TMEM117: variants seen among roughly 807,000 people sequenced by gnomAD.
TMEM117 encodes transmembrane protein 117.
TMEM117 carries 27 observed loss-of-function variants against 52.4 expected under a neutral mutation model. The observed-to-expected ratio is 0.51, with a 90% CI of 0.38 to 0.71. The LOEUF (loss-of-function observed/expected upper bound fraction) is 0.71, where lower values mean the gene tolerates loss of function less well. TMEM117 is among the 30% of genes least tolerant of loss of function. The pLI is 0.00. For synonymous variants in TMEM117, 215 were observed against 206.3 expected, an observed-to-expected ratio of 1.04 and a Z score of -0.36; for missense variants, 556 against 630.5, an observed-to-expected ratio of 0.88 and a Z score of 1.26.
chr12:44,123,805 C>T (rs1050845807), intron 3 of TMEM117, among the ~76,000 whole-genome samples: 3 of 151,996 alleles, frequency 2.0e-5, no homozygotes, highest in African/African-American at 7.3e-5. Flanking sequence ...TTACTGTAGC[C>T]CTGTATTATA....
intron 5 of TMEM117, among the ~76,000 whole-genome samples, chr12:44,229,572 C>T (rs186702853): frequency 1.3e-5 from 2 of 152,196 alleles, no homozygotes; most frequent in East Asian, 3.9e-4. Context: ...GAACAATTCA[C>T]TTCTAGATTC....
At chr12:44,049,554 TAA>T (rs397940837) in intron 3 of TMEM117, among the ~76,000 whole-genome samples, 3 of 138,036 alleles carry the variant, frequency 2.2e-5, no homozygotes, top group Non-Finnish European at 3.2e-5. Flanking sequence ...TAAAAAACAT[TAA>T]AAAAAAAAAA....
At chr12:44,289,951 A>G (rs913348622) in intron 5 of TMEM117, among the ~76,000 whole-genome samples, 6 of 151,948 alleles carry the variant, frequency 3.9e-5, no homozygotes, top group Admixed American at 3.9e-4. Flanking sequence ...CATTTCCCAG[A>G]TGATTAGTGA....
intron 2 of TMEM117, among the ~76,000 whole-genome samples, chr12:43,867,380 TAAAA>T (rs752085812): frequency 6.6e-6 from 1 of 152,012 alleles, no homozygotes; most frequent in Non-Finnish European, 1.5e-5. Flanking sequence ...ATTATACTAA[TAAAA>T]TAATATTATG....
chr12:43,970,916 A>G (rs572453758), intron 3 of TMEM117, among the ~76,000 whole-genome samples: 2 of 151,970 alleles, frequency 1.3e-5, no homozygotes, highest in Admixed American at 6.6e-5. Context: ...TTTCAGCTGA[A>G]TATCATACTA....
chr12:43,866,432 A>G (rs1176362259), intron 2 of TMEM117, among the ~76,000 whole-genome samples: 1 of 149,900 alleles, frequency 6.7e-6, no homozygotes, highest in Non-Finnish European at 1.5e-5. Context: ...AAAAAAAGTT[A>G]TGTGAAGCGG....
At chr12:43,901,259 T>C (rs751974682) in intron 2 of TMEM117, among the ~76,000 whole-genome samples, 4 of 152,160 alleles carry the variant, frequency 2.6e-5, no homozygotes, top group Non-Finnish European at 2.9e-5. Context: ...TCCAGATGCT[T>C]TCTTTTTCAA....
intron 3 of TMEM117, among the ~76,000 whole-genome samples, chr12:44,139,224 C>G (rs1426447787): frequency 6.6e-6 from 1 of 152,134 alleles, no homozygotes; most frequent in African/African-American, 2.4e-5. Context: ...TGTTAAAATT[C>G]AGACTCAACC....
In TMEM117 at chr12:44,053,888, G is replaced by A. The variant is rs908394945; in HGVS notation, c.411-89637G>A. Among the ~76,000 whole-genome samples the A allele has an allele frequency of 2.6e-5, 4 of 152,158 alleles. No individual in the cohort carries two copies. The East Asian group carries it at 7.7e-4, about 29-fold the overall frequency. The stretch of plus-strand genomic sequence containing the variant: ...AATATTATTTTAACATCTTATTATA[G>A]AATGAAAATGCAACAGAACTATTGC... On this transcript the variant is annotated intron_variant, in intron 3 of 7. Transcript: ENST00000266534.
intron 2 of TMEM117, among the ~76,000 whole-genome samples, chr12:43,920,294 G>A (rs993996291): frequency 1.3e-5 from 2 of 152,150 alleles, no homozygotes; most frequent in African/African-American, 2.4e-5. Context: ...GGGATGCCGA[G>A]GCGGGCGGAT....
At chr12:44,334,502 T>A (rs192702549) in intron 6 of TMEM117, among the ~76,000 whole-genome samples, 5 of 152,134 alleles carry the variant, frequency 3.3e-5, no homozygotes, top group African/African-American at 1.2e-4. Flanking sequence ...AAGTCTTTTT[T>A]AATCACCTTG....
intron 5 of TMEM117, among the ~76,000 whole-genome samples, chr12:44,260,183 T>G (rs1326054821): frequency 1.3e-5 from 2 of 152,240 alleles, no homozygotes; most frequent in South Asian, 2.1e-4. Context: ...GCCACAGATA[T>G]CTGCAGGTTA....
At chr12:44,227,318 G>A (rs1345878279) in intron 5 of TMEM117, among the ~76,000 whole-genome samples, 4 of 152,048 alleles carry the variant, frequency 2.6e-5, no homozygotes, top group South Asian at 4.1e-4. Context: ...ACAGAAATTA[G>A]CCAGGCATGG....
intron 3 of TMEM117, among the ~76,000 whole-genome samples, chr12:44,107,413 T>G (rs1375452631): frequency 6.6e-6 from 1 of 152,108 alleles, no homozygotes; most frequent in Admixed American, 6.6e-5. Context: ...ATCTACTTTT[T>G]TAGAAGAGAA....
chr12:44,164,826 A>G (rs1376123714), intron 4 of TMEM117, among the ~76,000 whole-genome samples: 2 of 152,188 alleles, frequency 1.3e-5, no homozygotes, highest in Non-Finnish European at 2.9e-5. Flanking sequence ...TTATGGATAC[A>G]TGTGATATTT....
chr12:44,130,223 A>G (rs898062305), intron 3 of TMEM117, among the ~76,000 whole-genome samples: 2 of 152,204 alleles, frequency 1.3e-5, no homozygotes, highest in African/African-American at 4.8e-5. Flanking sequence ...GCACACAGGT[A>G]TATCTTAATT....
chr12:44,205,225 C>T (rs113623052), intron 4 of TMEM117, among the ~76,000 whole-genome samples: 5 of 152,204 alleles, frequency 3.3e-5, no homozygotes, highest in African/African-American at 1.2e-4. Context: ...GGGCAGTTTC[C>T]CCCATACTGT....
chr12:44,303,899 A>T (rs1212891457), intron 6 of TMEM117, among the ~76,000 whole-genome samples: 1 of 152,310 alleles, frequency 6.6e-6, no homozygotes, highest in East Asian at 1.9e-4. Flanking sequence ...TTTAAAAAAG[A>T]GTTAAAATAT....
chr12:43,988,183 A>G (rs1384014130), intron 3 of TMEM117, among the ~76,000 whole-genome samples: 1 of 152,120 alleles, frequency 6.6e-6, no homozygotes, highest in Non-Finnish European at 1.5e-5. Flanking sequence ...GTAAAATAAG[A>G]TACTGTGTGG....
Sources: gnomAD v4.1 joint callset for allele counts (sites outside exome capture counted in the v4.1 genomes callset) on GRCh38, gnomAD v4.1.1 for gene constraint, MANE v1.5 for transcripts, NCBI Gene and HGNC (gene_info 2026-07-23, HGNC 2026-07-21) for gene names.